ADCY10: variants seen among roughly 807,000 people sequenced by gnomAD.
ADCY10 encodes the protein adenylate cyclase type 10.
Under a neutral mutation model 183.3 loss-of-function variants are expected in ADCY10, and 156 were observed. The ratio of observed to expected loss-of-function variants is 0.85; its 90% CI spans 0.75 to 0.97. ADCY10 has a LOEUF of 0.97. Among genes scored for constraint, ADCY10 ranks in the 50% least tolerant of loss-of-function variants. The pLI is 0.00. For missense variants in ADCY10, 1,745 were observed against 1,934.3 expected, an observed-to-expected ratio of 0.90 and a Z score of 1.84; for synonymous variants, 645 against 670.0, an observed-to-expected ratio of 0.96 and a Z score of 0.58.
At chr1:167,903,780 A>G in intron 3 of ADCY10, 107 bp downstream of exon 3, 1 of 786,696 alleles carries the variant, frequency 1.3e-6, no homozygotes, top group South Asian at 1.4e-5. Flanking sequence ...TTCATGGGGA[A>G]GAGGAGGAGT....
chr1:167,894,020 C>G (rs561020850), intron 7 of ADCY10, 79 bp from the exon 8 acceptor site: 9 of 987,302 alleles, frequency 9.1e-6, no homozygotes, highest in Admixed American at 1.9e-5. Flanking sequence ...GCTCCCAGTC[C>G]CTATTCTCTT....
chr1:167,891,441 G>A (rs1460589809), intron 8 of ADCY10, among the ~76,000 whole-genome samples: 2 of 151,692 alleles, frequency 1.3e-5, no homozygotes, highest in African/African-American at 4.8e-5. Flanking sequence ...AAGATCACGA[G>A]GTCAGGAGAT....
Position 167,856,997 on chromosome 1 carries a change from A to G in ADCY10, c.1897-558T>C, listed in dbSNP as rs148737762. On this transcript the variant is annotated intron_variant, in intron 16 of 32. Transcript: ENST00000367851. ...ATCACAGGTCCCTTTTCTCATATAGACTACCCTCCCCTAAGTAGTCTGAAT... is the reference window on the plus strand; with the variant it reads ...ATCACAGGTCCCTTTTCTCATATAGGCTACCCTCCCCTAAGTAGTCTGAAT... Among the ~76,000 whole-genome samples the G allele has an allele frequency of 1.6e-3, 247 of 152,318 alleles. 1 individual carries two copies. Among genetic ancestry groups the G allele is most frequent in the African/African-American group, 5.7e-3 (236 of 41,580 alleles).
intron 16 of ADCY10, among the ~76,000 whole-genome samples, chr1:167,858,659 G>A (rs1331295637): frequency 7.2e-5 from 11 of 152,174 alleles, no homozygotes; most frequent in Non-Finnish European, 1.0e-4. Context: ...AGAAGAATTA[G>A]TCATGTCTAG....
In ADCY10 at chr1:167,859,814, A is replaced by C. The variant is rs759340073; in HGVS notation, c.1889T>G (p.Leu630Trp). Residue 630 changes from leucine (L) to tryptophan (W), a missense_variant, in exon 16 of 33, where the codon TTG becomes TGG. By Grantham distance (61) the Leu-to-Trp change is moderately conservative. Transcript: ENST00000367851. ...KQLEILFMKI[L>W]KLIVKEERII... ...ACCCACAGATGCTCTTACCAGCTTC[A>C]AGATCTTCATAAACAATATTTCCAA... 6 of 1,612,942 alleles carry C rather than the reference A, an allele frequency of 3.7e-6. No homozygotes were observed. The highest frequency in any genetic ancestry group is 5.1e-6 in the Non-Finnish European group (6 of 1,178,952).
chr1:167,898,786 T>C (rs77094596), intron 6 of ADCY10, among the ~76,000 whole-genome samples: 1,757 of 152,220 alleles, frequency 0.012, 13 homozygotes, highest in African/African-American at 0.018. Context: ...GGATTCTCTG[T>C]CTTTTCTTTC....
At chr1:167,911,261 T>C (rs759910854) in intron 1 of ADCY10, among the ~76,000 whole-genome samples, 51 of 152,230 alleles carry the variant, frequency 3.4e-4, no homozygotes, top group Non-Finnish European at 6.5e-4. Context: ...CCCGTCTAAT[T>C]AGGAATAAAT....
intron 7 of ADCY10, among the ~76,000 whole-genome samples, chr1:167,895,747 T>TCTCAAG (rs1668930184): frequency 6.6e-6 from 1 of 152,132 alleles, no homozygotes; most frequent in Admixed American, 6.5e-5. Flanking sequence ...TGAGAGTGAG[T>TCTCAAG]GTCTGCTTAA....
At chr1:167,858,585 A>G (rs145297637) in intron 16 of ADCY10, among the ~76,000 whole-genome samples, 24 of 152,116 alleles carry the variant, frequency 1.6e-4, no homozygotes, top group East Asian at 1.5e-3. Context: ...GCAATATGCC[A>G]TAATAGTATA....
At chr1:167,860,319 A>G (rs551484958) in intron 15 of ADCY10, among the ~76,000 whole-genome samples, 6 of 152,270 alleles carry the variant, frequency 3.9e-5, no homozygotes, top group South Asian at 2.1e-4. Context: ...GGTCCCTTGC[A>G]TGCACAGTTC....
chr1:167,899,289 C>T, intron 6 of ADCY10, 134 bp downstream of exon 6: 1 of 872,924 alleles, frequency 1.1e-6, no homozygotes, highest in Admixed American at 2.0e-5. Context: ...GCCTCTGTAG[C>T]CTAACCCAGA....
chr1:167,874,896 CTG>C (rs1430853443), intron 13 of ADCY10, among the ~76,000 whole-genome samples: 1 of 152,086 alleles, frequency 6.6e-6, no homozygotes, highest in African/African-American at 2.4e-5. Flanking sequence ...ATGATTCCAT[CTG>C]TATCAATTTT....
At chr1:167,876,964 G>A (rs1571375857) in intron 12 of ADCY10, among the ~76,000 whole-genome samples, 1 of 152,126 alleles carries the variant, frequency 6.6e-6, no homozygotes, top group Admixed American at 6.6e-5. Context: ...AACTGAGGCC[G>A]CCAGGTTGGC....
At chr1:167,905,260 C>T in intron 1 of ADCY10, 62 bp from the exon 2 acceptor site, 5 of 1,244,624 alleles carry the variant, frequency 4.0e-6, no homozygotes, top group Non-Finnish European at 5.8e-6. Flanking sequence ...TCCTATTGCT[C>T]TTTCTCCATT....
At chr1:167,893,748 T>A (rs1011804598) in intron 8 of ADCY10, 105 bp downstream of exon 8, 6 of 692,308 alleles carry the variant, frequency 8.7e-6, no homozygotes, top group African/African-American at 7.4e-5. Flanking sequence ...ATGGAACATT[T>A]TACTATTTAC....
At chr1:167,904,141 G>A (rs935714699) in intron 2 of ADCY10, 150 bp from the exon 3 acceptor site, 10 of 579,582 alleles carry the variant, frequency 1.7e-5, no homozygotes, top group African/African-American at 9.6e-5. Context: ...AGGCTGGAGG[G>A]CAATGGTGTG....
Position 167,880,132 on chromosome 1 carries a change from A to G in ADCY10, c.1199T>C (p.Val400Ala), listed in dbSNP as rs756334955. The change falls in exon 11 of 33, where the codon GTG becomes GCG. Residue 400 changes from valine to alanine, a missense_variant. Val to Ala is a moderately conservative substitution (Grantham distance 64). Transcript: ENST00000367851. ...IVFCGIVGHTVRHEYTVIGQK... is the reference protein window; with the variant it reads ...IVFCGIVGHTARHEYTVIGQK... ...CAGCACACCTGTGTACTCGTGTCTC[A>G]CAGTGTGTCCAACGATCCCACAGAA... 27 of 1,612,430 alleles carry G rather than the reference A, an allele frequency of 1.7e-5. No individual in the cohort carries two copies. The highest frequency in any genetic ancestry group is 2.0e-5 in the Non-Finnish European group (24 of 1,179,352).
In ADCY10 at chr1:167,809,521, T is replaced by A; in HGVS notation, c.*157A>T. On this transcript the variant is annotated 3_prime_UTR_variant, in exon 33 of 33. Transcript: ENST00000367851. Reference sequence around the variant, plus strand: ...TAAACCATGACACTCCTGACCCTTGTAGGCCCTCCAGAAAGAGAAGAAATC... The same window carrying A: ...TAAACCATGACACTCCTGACCCTTGAAGGCCCTCCAGAAAGAGAAGAAATC... 1.2e-6 allele frequency: 1 copy of A among 824,744 alleles called. No homozygotes were observed. Among genetic ancestry groups the A allele is most frequent in the Non-Finnish European group, 1.9e-6 (1 of 513,654 alleles). The allele number at this position is 824,744 out of a possible 1,614,324, so 51.1% of individuals were successfully genotyped here. A position where few individuals can be genotyped will look rare whatever the true frequency, so the allele number is the denominator to read the frequency against.
intron 9 of ADCY10, among the ~76,000 whole-genome samples, chr1:167,882,886 A>G (rs539517092): frequency 6.6e-6 from 1 of 152,356 alleles, no homozygotes; most frequent in African/African-American, 2.4e-5. Flanking sequence ...TAATGAGGAT[A>G]ATGACAAGAG....
Sources: allele counts gnomAD v4.1 joint callset (sites outside exome capture counted in the v4.1 genomes callset), GRCh38; gene constraint gnomAD v4.1.1; transcripts MANE v1.5; gene names NCBI Gene and HGNC (gene_info 2026-07-23, HGNC 2026-07-21).